The following ST7 variants were observed in gnomAD, a reference collection of about 807,000 sequenced individuals.
The protein encoded by ST7 is suppressor of tumorigenicity 7 protein.
In ST7, 28 loss-of-function variants were observed where a neutral mutation model predicts 78.7. That is an observed-to-expected ratio of 0.36 (90% CI 0.26 to 0.49). ST7 has a LOEUF of 0.49. Among genes scored for constraint, ST7 ranks in the 20% least tolerant of loss-of-function variants. The pLI is 0.99. For missense variants in ST7, 418 were observed against 696.0 expected, an observed-to-expected ratio of 0.60 and a Z score of 4.49; for synonymous variants, 247 against 249.6, an observed-to-expected ratio of 0.99 and a Z score of 0.10.
intron 1 of ST7, among the ~76,000 whole-genome samples, chr7:116,980,019 T>C (rs1387544872): frequency 1.4e-5 from 2 of 142,200 alleles, no homozygotes; most frequent in Admixed American, 7.7e-5. Context: ...AGTGCAGTGC[T>C]GCGATCTCGG....
At chr7:117,149,785 ATGT>A (rs1179311450) in intron 9 of ST7, among the ~76,000 whole-genome samples, 1 of 151,890 alleles carries the variant, frequency 6.6e-6, no homozygotes, top group African/African-American at 2.4e-5. Context: ...CCTTGGCTAA[ATGT>A]TAACATTTAA....
chr7:117,081,873 G>A (rs538566926), intron 1 of ST7, among the ~76,000 whole-genome samples: 1 of 151,886 alleles, frequency 6.6e-6, no homozygotes, highest in African/African-American at 2.4e-5. Context: ...CACTGAGACA[G>A]ACAGAGAGAA....
chr7:117,113,066 G>C (rs915053710), intron 2 of ST7, among the ~76,000 whole-genome samples: 1 of 152,164 alleles, frequency 6.6e-6, no homozygotes, highest in African/African-American at 2.4e-5. Flanking sequence ...CGGATAAAGG[G>C]ACAAAACTGC....
At chr7:117,045,612 G>C (rs1484419483) in intron 1 of ST7, among the ~76,000 whole-genome samples, 3 of 152,120 alleles carry the variant, frequency 2.0e-5, no homozygotes, top group Non-Finnish European at 4.4e-5. Context: ...CTTTCTAATA[G>C]ATGATACAAT....
At chr7:117,089,089 C>T (rs899132725) in intron 1 of ST7, among the ~76,000 whole-genome samples, 14 of 152,208 alleles carry the variant, frequency 9.2e-5, no homozygotes, top group African/African-American at 3.1e-4. Flanking sequence ...CTCAAGGAAA[C>T]ATTCCTTTAT....
At chr7:116,968,285 C>CCT (rs1793235717) in intron 1 of ST7, 1 of 19,798 alleles carries the variant, frequency 5.1e-5, no homozygotes, top group African/African-American at 2.1e-4. Flanking sequence ...CCCTCCCTCC[C>CCT]TCCCTCCCTC....
intron 13 of ST7, among the ~76,000 whole-genome samples, chr7:117,216,130 C>T (rs1465998887): frequency 6.6e-6 from 1 of 152,140 alleles, no homozygotes; most frequent in Non-Finnish European, 1.5e-5. Context: ...CACTGATAGA[C>T]TTGGAACCTA....
At chr7:117,163,753 C>G (rs1185833730) in intron 9 of ST7, among the ~76,000 whole-genome samples, 2 of 152,060 alleles carry the variant, frequency 1.3e-5, no homozygotes, top group African/African-American at 2.4e-5. Flanking sequence ...TCTTTTAACT[C>G]TGTTGTTTCC....
chr7:116,972,520 T>A, intron 1 of ST7: 1 of 1,081,348 alleles, frequency 9.2e-7, no homozygotes, highest in Non-Finnish European at 1.4e-6. Context: ...CACCAACTTA[T>A]GAGCTACCTC....
chr7:117,032,151 G>C (rs972095745), intron 1 of ST7, among the ~76,000 whole-genome samples: 5 of 151,276 alleles, frequency 3.3e-5, no homozygotes, highest in Non-Finnish European at 7.4e-5. Context: ...CAAAGTGCTG[G>C]GATTACACGA....
At chr7:117,058,283 A>G (rs1798169628) in intron 1 of ST7, among the ~76,000 whole-genome samples, 1 of 152,180 alleles carries the variant, frequency 6.6e-6, no homozygotes, top group South Asian at 2.1e-4. Flanking sequence ...TGTTTGTATG[A>G]TGATATTTTT....
At chr7:116,988,114 A>G (rs1794265402) in intron 1 of ST7, among the ~76,000 whole-genome samples, 1 of 152,196 alleles carries the variant, frequency 6.6e-6, no homozygotes, top group Admixed American at 6.5e-5. Context: ...GTACTGGCTG[A>G]ACTAGTTAAA....
intron 10 of ST7, among the ~76,000 whole-genome samples, chr7:117,185,739 A>G (rs939488997): frequency 1.3e-5 from 2 of 152,152 alleles, no homozygotes; most frequent in African/African-American, 2.4e-5. Context: ...CCTGACCAAC[A>G]TGGTGAAACC....
intron 1 of ST7, among the ~76,000 whole-genome samples, chr7:116,983,707 G>A (rs1034030079): frequency 6.6e-6 from 1 of 152,024 alleles, no homozygotes; most frequent in Non-Finnish European, 1.5e-5. Flanking sequence ...AACCCCCACT[G>A]TCTGTCTTCA....
At chr7:117,184,360 G>T (rs1033476699) in intron 10 of ST7, among the ~76,000 whole-genome samples, 1 of 152,238 alleles carries the variant, frequency 6.6e-6, no homozygotes, top group African/African-American at 2.4e-5. Flanking sequence ...GAAGGGCACT[G>T]CAGAGTCAGT....
At chr7:117,040,111 C>T (rs1409266006) in intron 1 of ST7, among the ~76,000 whole-genome samples, 1 of 152,104 alleles carries the variant, frequency 6.6e-6, no homozygotes, top group Non-Finnish European at 1.5e-5. Context: ...CGGTGGCTCA[C>T]GCCTGTAATC....
At chr7:117,086,399 A>T in intron 1 of ST7, among the ~76,000 whole-genome samples, 1 of 152,246 alleles carries the variant, frequency 6.6e-6, no homozygotes, top group Non-Finnish European at 1.5e-5. Flanking sequence ...CCACCTCAAG[A>T]AACATTGTCT....
Position 117,170,906 on chromosome 7 carries a change from A to C in ST7, c.1008A>C (p.Glu336Asp). 1.9e-6 allele frequency: 3 copies of C among 1,612,520 alleles called. No individual in the cohort carries two copies. The highest frequency in any genetic ancestry group is 2.5e-6 in the Non-Finnish European group (3 of 1,179,074). ...FPLLSMFNIH[E>D]NLLEALLELQ... ...TTCTGAGTATGTTCAATATCCATGA[A>C]AACCTTTTAGAAGCCCTTCTGGAAC... Residue 336 changes from glutamate (E) to aspartate (D), a missense_variant, in exon 10 of 16, where the codon GAA (glutamate) becomes GAC (aspartate). By Grantham distance (45) the Glu-to-Asp change is conservative. This residue lies in a region of ST7 where 288 missense variants were observed against 537.1 expected (regional missense o/e 0.54). Transcript: ENST00000323984.
chr7:117,130,437 A>G (rs1324518170), intron 4 of ST7, 54 bp from the exon 5 acceptor site: 9 of 1,287,478 alleles, frequency 7.0e-6, no homozygotes, highest in Non-Finnish European at 1.0e-5. Context: ...AATATTTTAT[A>G]GGTCTTGCTT....
Sources: allele counts gnomAD v4.1 joint callset (sites outside exome capture counted in the v4.1 genomes callset), GRCh38; gene constraint gnomAD v4.1.1; regional missense constraint gnomAD v4.1.1; transcripts MANE v1.5; gene names NCBI Gene and HGNC (gene_info 2026-07-23, HGNC 2026-07-21).